Variants in IGSF5 observed in about 807,000 individuals in gnomAD.
The protein encoded by IGSF5 is immunoglobulin superfamily 5 like.
In IGSF5, 41 loss-of-function variants were observed where a neutral mutation model predicts 39.4. The observed-to-expected ratio is 1.04, with a 90% CI of 0.81 to 1.35. The LOEUF is 1.35. IGSF5 is among the 40% of genes most tolerant of loss of function. The pLI, the probability that IGSF5 is intolerant of heterozygous loss-of-function variation, is 0.00. For synonymous variants in IGSF5, 183 were observed against 175.3 expected (o/e 1.04, Z -0.34); for missense variants, 487 against 494.6 (o/e 0.98, Z 0.15).
intron 8 of IGSF5, among the ~76,000 whole-genome samples, chr21:39,797,144 C>T (rs1407070237): frequency 1.3e-5 from 2 of 151,902 alleles, no homozygotes; most frequent in Non-Finnish European, 2.9e-5. Context: ...GAATACCTTC[C>T]ATGCCCAGCA....
At chr21:39,760,929 A>G (rs1174456387) in intron 2 of IGSF5, among the ~76,000 whole-genome samples, 1 of 152,176 alleles carries the variant, frequency 6.6e-6, no homozygotes. Flanking sequence ...AATGATGGAA[A>G]TCTTTCAAAC....
chr21:39,764,280 G>C (rs1274303672), intron 2 of IGSF5, among the ~76,000 whole-genome samples: 2 of 152,148 alleles, frequency 1.3e-5, no homozygotes, highest in Non-Finnish European at 2.9e-5. Flanking sequence ...GTGCTACTGT[G>C]TGTCCAACGG....
the IGSF5 span, among the ~76,000 whole-genome samples, chr21:39,714,071 A>T: frequency 1.7e-4 from 26 of 152,202 alleles, no homozygotes; most frequent in African/African-American, 6.0e-4. Context: ...TATCCATCCC[A>T]CGTGAGCGCG....
chr21:39,757,133 C>G (rs116800515), intron 2 of IGSF5, among the ~76,000 whole-genome samples: 3,683 of 152,104 alleles, frequency 0.024, 155 homozygotes, highest in African/African-American at 0.083. Flanking sequence ...TCACCTCATT[C>G]GCTGTGCATG....
At chr21:39,748,074 A>T (rs929665629) in intron 2 of IGSF5, among the ~76,000 whole-genome samples, 1 of 152,142 alleles carries the variant, frequency 6.6e-6, no homozygotes, top group Non-Finnish European at 1.5e-5. Context: ...AGGGAGAAAC[A>T]CTACTCTCTG....
At chr21:39,769,491 A>AG (rs2080103677) in intron 3 of IGSF5, among the ~76,000 whole-genome samples, 2 of 140,730 alleles carry the variant, frequency 1.4e-5, no homozygotes, top group Admixed American at 7.1e-5. Flanking sequence ...AAAAAAAAAA[A>AG]GAGAAAAGTA....
the IGSF5 span, among the ~76,000 whole-genome samples, chr21:39,737,039 C>T: frequency 4.5e-4 from 69 of 152,244 alleles, no homozygotes; most frequent in Middle Eastern, 3.4e-3. Context: ...AGAGACATGG[C>T]CCATGGATAA....
At chr21:39,782,502 C>A (rs1022308068) in intron 5 of IGSF5, among the ~76,000 whole-genome samples, 1 of 152,168 alleles carries the variant, frequency 6.6e-6, no homozygotes, top group Non-Finnish European at 1.5e-5. Flanking sequence ...ACCTATCAAA[C>A]AATAACTCCC....
the IGSF5 span, among the ~76,000 whole-genome samples, chr21:39,731,211 T>C: frequency 6.6e-6 from 1 of 152,158 alleles, no homozygotes; most frequent in African/African-American, 2.4e-5. Context: ...TCCCAATTCT[T>C]GCACACTTCT....
intron 2 of IGSF5, among the ~76,000 whole-genome samples, chr21:39,759,826 C>A (rs1398421932): frequency 6.7e-6 from 1 of 148,878 alleles, no homozygotes; most frequent in Non-Finnish European, 1.5e-5. Context: ...GAGATTGTGA[C>A]ACTGCCCTCC....
intron 2 of IGSF5, among the ~76,000 whole-genome samples, chr21:39,753,013 T>G (rs1347856900): frequency 6.6e-6 from 1 of 152,228 alleles, no homozygotes; most frequent in East Asian, 1.9e-4. Context: ...AACTAGGTCC[T>G]ATTTATTTAG....
chr21:39,771,821 G>A lies in IGSF5; in HGVS notation c.718+606G>A, dbSNP rs149926070. On this transcript the variant is annotated intron_variant, in intron 4 of 8. Transcript: ENST00000380588. ...ACCACATTCCTTGAAGGGGCCCATA[G>A]CGCCTGTGAGCTTTGAGTCAGCCTG... 6.7e-3 allele frequency among the ~76,000 whole-genome samples: 1,014 copies of A among 152,320 alleles called. 9 individuals are homozygous for A. Among genetic ancestry groups the A allele is most frequent in the Non-Finnish European group, 0.011 (744 of 68,026 alleles).
chr21:39,713,213 C>A, the IGSF5 span, among the ~76,000 whole-genome samples: 13 of 152,156 alleles, frequency 8.5e-5, no homozygotes, highest in African/African-American at 3.1e-4. Context: ...GGATGACAGG[C>A]AGGGCTGGGT....
chr21:39,728,720 G>A, the IGSF5 span, among the ~76,000 whole-genome samples: 3 of 152,158 alleles, frequency 2.0e-5, no homozygotes, highest in South Asian at 6.2e-4. Flanking sequence ...GTGCAAAGAG[G>A]GAGACACTGC....
chr21:39,750,588 T>G (rs1349300487), intron 2 of IGSF5, among the ~76,000 whole-genome samples: 1 of 151,286 alleles, frequency 6.6e-6, no homozygotes, highest in Admixed American at 6.6e-5. Flanking sequence ...ACTGTCACAG[T>G]GCTCTGCAAA....
intron 8 of IGSF5, among the ~76,000 whole-genome samples, chr21:39,799,117 C>G (rs574951627): frequency 1.3e-5 from 2 of 152,142 alleles, no homozygotes; most frequent in Non-Finnish European, 2.9e-5. Context: ...TGGAGCTCCC[C>G]CTTTTGCTCA....
rs566737672 is a variant in IGSF5 at position 39,763,921 on chromosome 21, T to A, written c.101-1614T>A. 6.6e-5 allele frequency among the ~76,000 whole-genome samples: 10 copies of A among 152,216 alleles called. No individual in the cohort carries two copies. The South Asian group carries it at 2.1e-3, about 32-fold the overall frequency. On this transcript the variant is annotated intron_variant, in intron 2 of 8. Transcript: ENST00000380588. ...AATCAAAGTTCAAAGAGATCTTGGA[T>A]CAGAGAGATTTGCCTTGAGGTCAGG...
At chr21:39,796,669 C>T (rs556462030) in intron 8 of IGSF5, among the ~76,000 whole-genome samples, 5 of 152,286 alleles carry the variant, frequency 3.3e-5, no homozygotes, top group Admixed American at 1.3e-4. Flanking sequence ...GGCTCCTGCC[C>T]GAGAAGCTGG....
intron 5 of IGSF5, among the ~76,000 whole-genome samples, chr21:39,783,736 T>C (rs933662320): frequency 9.9e-5 from 15 of 152,202 alleles, no homozygotes; most frequent in Non-Finnish European, 2.2e-4. Flanking sequence ...TAGTCCCATT[T>C]GTCTATTTTT....
Sources: allele counts gnomAD v4.1 joint callset (sites outside exome capture counted in the v4.1 genomes callset), GRCh38; gene constraint gnomAD v4.1.1; transcripts MANE v1.5; gene names NCBI Gene and HGNC (gene_info 2026-07-23, HGNC 2026-07-21).